The following RCBTB1 variants were observed in gnomAD, a reference collection of about 807,000 sequenced individuals.
RCBTB1 encodes RCC1 and BTB domain containing protein 1, also known as RCC1 and BTB domain-containing protein 1.
Under a neutral mutation model 62.4 loss-of-function variants are expected in RCBTB1, and 46 were observed. The ratio of observed to expected loss-of-function variants is 0.74; its 90% confidence interval spans 0.58 to 0.94. The LOEUF (loss-of-function observed/expected upper bound fraction) is 0.94, where lower values mean the gene tolerates loss of function less well. Among genes scored for constraint, RCBTB1 ranks in the 40% least tolerant of loss-of-function variants. RCBTB1 has a pLI of 0.00. For synonymous variants in RCBTB1, 222 were observed against 245.8 expected (o/e 0.90, Z 0.91); for missense variants, 565 against 654.9 (o/e 0.86, Z 1.50).
chr13:49,570,986 CTTCT>C (rs1420890021), intron 2 of RCBTB1, among the ~76,000 whole-genome samples: 10 of 152,172 alleles, frequency 6.6e-5, no homozygotes, highest in Admixed American at 5.2e-4. Context: ...CCTAAAGTCA[CTTCT>C]TTCTGACTTT....
At chr13:49,559,889 AG>A (rs1310368974) in intron 5 of RCBTB1, 28 bp downstream of exon 5, 2 of 1,574,560 alleles carry the variant, frequency 1.3e-6, no homozygotes, top group Non-Finnish European at 1.7e-6. Flanking sequence ...AAAAAAAAAA[AG>A]AATAAAGAAT....
chr13:49,582,667 A>G lies in RCBTB1; in HGVS notation c.-121-2083T>C, dbSNP rs144281624. The stretch of plus-strand genomic sequence containing the variant: ...TCATTCTCATTCTCTCTCCCCGCTG[A>G]GTCTCCATTTTACATGCCCACCGGC... On this transcript the variant is annotated intron_variant, in intron 1 of 12. Coordinates refer to ENST00000378302, the MANE Select transcript of RCBTB1 (RefSeq NM_018191.4). Among the ~76,000 whole-genome samples, 17 of 152,242 alleles carry G rather than the reference A, an allele frequency of 1.1e-4. No individual in the cohort carries two copies. The East Asian group carries it at 3.3e-3, about 29-fold the overall frequency.
chr13:49,550,508 C>T (rs1387270592), intron 8 of RCBTB1: 1 of 627,528 alleles, frequency 1.6e-6, no homozygotes, highest in Non-Finnish European at 2.0e-6. Flanking sequence ...GGCTGAACAA[C>T]ATCAAGCATC....
chr13:49,540,814 CG>C, intron 12 of RCBTB1, 61 bp downstream of exon 12: 1 of 1,550,664 alleles, frequency 6.4e-7, no homozygotes, highest in Non-Finnish European at 8.7e-7. Context: ...ACGCAAGAAG[CG>C]GGGGAGACGA....
intron 2 of RCBTB1, among the ~76,000 whole-genome samples, chr13:49,572,913 T>G (rs747348367): frequency 1.3e-5 from 2 of 152,222 alleles, no homozygotes; most frequent in African/African-American, 4.8e-5. Context: ...AAGGAGGCAC[T>G]GCTAATGGAA....
chr13:49,546,226 T>C, intron 9 of RCBTB1: 1 of 985,462 alleles, frequency 1.0e-6, no homozygotes, highest in Non-Finnish European at 1.2e-6. Flanking sequence ...TCTTTGCTCC[T>C]GGCAACAAGT....
chr13:49,534,376 T>C, intron 12 of RCBTB1, 114 bp from the exon 13 acceptor site: 2 of 1,112,854 alleles, frequency 1.8e-6, no homozygotes, highest in Non-Finnish European at 2.5e-6. Context: ...GAAAAGATAT[T>C]TGAGAGGCCA....
At chr13:49,551,269 C>A (rs1037684630) in intron 8 of RCBTB1, 57 bp downstream of exon 8, 1 of 1,591,294 alleles carries the variant, frequency 6.3e-7, no homozygotes, top group Non-Finnish European at 8.6e-7. Context: ...CTCTGCCACA[C>A]ACAGCCCCAA....
At chr13:49,563,521 G>T (rs997370939) in intron 4 of RCBTB1, among the ~76,000 whole-genome samples, 3 of 152,098 alleles carry the variant, frequency 2.0e-5, no homozygotes, top group African/African-American at 7.2e-5. Context: ...AAATTAGCCA[G>T]GCATGGTAGC....
At chr13:49,573,448 CTTTT>C (rs66529613) in intron 2 of RCBTB1, among the ~76,000 whole-genome samples, 2 of 130,092 alleles carry the variant, frequency 1.5e-5, no homozygotes, top group Non-Finnish European at 1.6e-5. Context: ...AATTCCTCAT[CTTTT>C]TTTTTTTTTT....
chr13:49,557,597 C>G (rs1962035648), intron 5 of RCBTB1, among the ~76,000 whole-genome samples: 1 of 151,896 alleles, frequency 6.6e-6, no homozygotes, highest in Non-Finnish European at 1.5e-5. Context: ...ATAGTCTTAG[C>G]AAAGAGCATG....
chr13:49,543,925 G>A (rs1398533102), intron 10 of RCBTB1, among the ~76,000 whole-genome samples: 1 of 152,096 alleles, frequency 6.6e-6, no homozygotes, highest in Non-Finnish European at 1.5e-5. Context: ...AGGATCAAGT[G>A]ATATTCCCGC....
At chr13:49,557,393 A>G (rs539425681) in intron 5 of RCBTB1, among the ~76,000 whole-genome samples, 1 of 152,344 alleles carries the variant, frequency 6.6e-6, no homozygotes, top group East Asian at 1.9e-4. Context: ...ACAAAAGATT[A>G]GAAGACAGAA....
intron 4 of RCBTB1, among the ~76,000 whole-genome samples, chr13:49,564,486 T>C (rs1241727414): frequency 2.1e-5 from 3 of 145,514 alleles, no homozygotes; most frequent in African/African-American, 7.8e-5. Flanking sequence ...CTCGGGAGGT[T>C]GAGGCAGAAG....
chr13:49,571,648 G>T (rs985807304), intron 2 of RCBTB1, among the ~76,000 whole-genome samples: 3 of 152,152 alleles, frequency 2.0e-5, no homozygotes, highest in African/African-American at 7.2e-5. Context: ...TCCCTGAGAG[G>T]TTTTGTGGGG....
rs1297439796 is a variant in RCBTB1, at chr13:49,559,994, G to T, written c.368C>A (p.Thr123Asn). The change falls in exon 5 of 13, where the codon ACC becomes AAC. Residue 123 changes from threonine to asparagine, a missense_variant. Thr to Asn is a moderately conservative substitution (Grantham distance 65). Transcript: ENST00000378302. The stretch of plus-strand genomic sequence containing the variant: ...CACCACTTGCTTGATCAAGAGATTG[G>T]TACAGACCTGGACGGGAGCAATGCC... Reference protein sequence around the residue: ...NQGIAPVQVCTNLLIKQVVEV... With the variant: ...NQGIAPVQVCNNLLIKQVVEV... 5 of 1,614,160 alleles carry T rather than the reference G, an allele frequency of 3.1e-6. No homozygotes were observed. Among genetic ancestry groups the T allele is most frequent in the Non-Finnish European group, 4.2e-6 (5 of 1,180,014 alleles).
intron 2 of RCBTB1, among the ~76,000 whole-genome samples, chr13:49,568,705 C>T (rs1963195569): frequency 6.6e-6 from 1 of 151,892 alleles, no homozygotes; most frequent in South Asian, 2.1e-4. Flanking sequence ...CCAAGGTGGG[C>T]AGATCAGGAG....
intron 2 of RCBTB1, among the ~76,000 whole-genome samples, chr13:49,570,147 A>C (rs1337869568): frequency 1.3e-5 from 2 of 152,238 alleles, no homozygotes; most frequent in Non-Finnish European, 2.9e-5. Flanking sequence ...AATATGACTC[A>C]CCACCTTTAA....
intron 9 of RCBTB1, among the ~76,000 whole-genome samples, chr13:49,548,917 G>A (rs1340469272): frequency 8.8e-6 from 1 of 113,680 alleles, no homozygotes; most frequent in East Asian, 2.7e-4. Flanking sequence ...TGGATCACCT[G>A]AGGTCAGGAG....
Sources: gnomAD v4.1 joint callset for allele counts (sites outside exome capture counted in the v4.1 genomes callset) on GRCh38, gnomAD v4.1.1 for gene constraint, MANE v1.5 for transcripts, NCBI Gene and HGNC (gene_info 2026-07-23, HGNC 2026-07-21) for gene names.